REV3L: variants seen among roughly 807,000 people sequenced by gnomAD.
The protein encoded by REV3L is REV3 like, DNA directed polymerase zeta catalytic subunit, also known as DNA polymerase zeta catalytic subunit.
REV3L carries 69 observed loss-of-function variants against 299.4 expected under a neutral mutation model. The ratio of observed to expected loss-of-function variants is 0.23; its 90% CI spans 0.19 to 0.28. REV3L has a LOEUF of 0.28. Ranked by LOEUF, REV3L falls within the 10% of genes least tolerant of loss-of-function variation. The pLI, the probability that REV3L is intolerant of heterozygous loss-of-function variation, is 1.00. For missense variants in REV3L, 3,128 were observed against 3,693.8 expected, an observed-to-expected ratio of 0.85 and a Z score of 3.97; for synonymous variants, 1,238 against 1,271.4, an observed-to-expected ratio of 0.97 and a Z score of 0.56.
intron 24 of REV3L, 46 bp from the exon 25 acceptor site, chr6:111,329,784 A>T (rs1365640763): frequency 5.1e-6 from 7 of 1,385,774 alleles, no homozygotes; most frequent in Non-Finnish European, 1.0e-6. Context: ...AACATTATAG[A>T]TTTACATAAT....
Position 111,335,475 on chromosome 6 carries a change from A to T in REV3L, c.7674T>A (p.Gly2558=), listed in dbSNP as rs763949646. The T allele has an allele frequency of 6.2e-7, 1 of 1,610,038 alleles. No individual in the cohort carries two copies. The highest frequency in any genetic ancestry group is 1.1e-5 in the South Asian group (1 of 90,332). The change falls in exon 22 of 32, where the codon GGT becomes GGA. Residue 2558 remains glycine (G), a synonymous_variant. Transcript: ENST00000368802. ...GIQFLHVLTR[G]SQYRVESMML... ...AAGAAAACTGATTTCCCACCTGTGA[A>T]CCCCTTGTCAGTACATGTAAAAACT...
chr6:111,371,309 G>A lies in REV3L; in HGVS notation c.5759+1287C>T, dbSNP rs559933825. 7.2e-5 allele frequency among the ~76,000 whole-genome samples: 11 copies of A among 152,130 alleles called. 1 individual carries two copies. The South Asian group carries it at 2.3e-3, about 32-fold the overall frequency. On this transcript the variant is annotated intron_variant, in intron 13 of 31. Transcript: ENST00000368802. Reference sequence around the variant, plus strand: ...TATACACCATAACTACTTAACTACTGATAAATAAACCAGTACTCTGATTTC... The same window carrying A: ...TATACACCATAACTACTTAACTACTAATAAATAAACCAGTACTCTGATTTC...
At chr6:111,365,428 CT>C in intron 14 of REV3L, 84 bp from the exon 15 acceptor site, 1 of 650,400 alleles carries the variant, frequency 1.5e-6, no homozygotes, top group Non-Finnish European at 2.5e-6. Flanking sequence ...GTTCCAAACA[CT>C]TAAGTACCAC....
Position 111,350,926 on chromosome 6 carries a change from G to T in REV3L, c.7300+750C>A, listed in dbSNP as rs539580821. Reference sequence around the variant, plus strand: ...TTTTGCAAAGCTAAAAAACTTTACTGTCCTGGAATCTTCCAGCTTCAACTT... The same window carrying T: ...TTTTGCAAAGCTAAAAAACTTTACTTTCCTGGAATCTTCCAGCTTCAACTT... On this transcript the variant is annotated intron_variant, in intron 19 of 31. Transcript: ENST00000368802. Among the ~76,000 whole-genome samples the T allele has an allele frequency of 2.0e-5, 3 of 151,956 alleles. No homozygotes were observed. In the South Asian group the frequency reaches 6.2e-4, roughly 32 times the overall value.
At chr6:111,430,707 A>G in intron 1 of REV3L, 1 of 1,546,268 alleles carries the variant, frequency 6.5e-7, no homozygotes, top group South Asian at 1.1e-5. Context: ...AAAGAAAATA[A>G]AAAGAAAGAC....
intron 1 of REV3L, among the ~76,000 whole-genome samples, chr6:111,426,291 G>A (rs961098462): frequency 6.6e-6 from 1 of 152,026 alleles, no homozygotes; most frequent in Non-Finnish European, 1.5e-5. Flanking sequence ...TTTCAAATTG[G>A]GTGGCCTCTA....
At chr6:111,431,442 G>A (rs1786916815) in intron 1 of REV3L, 17 of 1,041,540 alleles carry the variant, frequency 1.6e-5, no homozygotes, top group Admixed American at 1.4e-4. Flanking sequence ...TGAGGAAGCT[G>A]AAATATTCCA....
intron 22 of REV3L, among the ~76,000 whole-genome samples, chr6:111,334,793 T>C (rs1477068590): frequency 2.0e-5 from 3 of 152,180 alleles, no homozygotes; most frequent in African/African-American, 7.2e-5. Flanking sequence ...AACTCTATTT[T>C]TGCTATATTT....
intron 3 of REV3L, among the ~76,000 whole-genome samples, chr6:111,410,910 T>A (rs1001060779): frequency 6.6e-6 from 1 of 152,154 alleles, no homozygotes; most frequent in Non-Finnish European, 1.5e-5. Context: ...AATCCTTGTT[T>A]TGAATCTGAA....
chr6:111,377,161 A>T (rs995829644), intron 12 of REV3L, among the ~76,000 whole-genome samples: 1 of 152,208 alleles, frequency 6.6e-6, no homozygotes, highest in African/African-American at 2.4e-5. Context: ...AGTGGTCAAC[A>T]AATGTTATAT....
intron 18 of REV3L, among the ~76,000 whole-genome samples, chr6:111,355,622 T>C (rs557445689): frequency 2.3e-4 from 35 of 152,290 alleles, no homozygotes; most frequent in Non-Finnish European, 3.5e-4. Flanking sequence ...TGCAAATGAC[T>C]AACAAAATTC....
intron 18 of REV3L, chr6:111,354,142 T>C (rs943329144): frequency 1.3e-5 from 2 of 152,212 alleles, no homozygotes; most frequent in African/African-American, 2.4e-5. Flanking sequence ...ACATATCACA[T>C]AGTTACACAG....
intron 27 of REV3L, among the ~76,000 whole-genome samples, chr6:111,314,001 T>C (rs1378714803): frequency 6.6e-6 from 1 of 152,220 alleles, no homozygotes; most frequent in Non-Finnish European, 1.5e-5. Context: ...GCTCTCACAG[T>C]GTTTAAGCGG....
chr6:111,370,633 T>C (rs1779707861), intron 13 of REV3L, among the ~76,000 whole-genome samples: 2 of 152,238 alleles, frequency 1.3e-5, no homozygotes, highest in South Asian at 4.1e-4. Context: ...TGGATTCCTA[T>C]AGGAATTATT....
At chr6:111,327,679 A>G (rs1053306254) in intron 25 of REV3L, among the ~76,000 whole-genome samples, 1 of 152,144 alleles carries the variant, frequency 6.6e-6, no homozygotes, top group East Asian at 1.9e-4. Context: ...CAGGACTGAC[A>G]AAGTATTTTT....
chr6:111,455,051 C>T (rs1160050593), intron 1 of REV3L, among the ~76,000 whole-genome samples: 3 of 152,082 alleles, frequency 2.0e-5, no homozygotes, highest in East Asian at 1.9e-4. Context: ...CCTCATGAAA[C>T]GCACACTCTA....
chr6:111,464,999 C>T (rs1384520920), intron 1 of REV3L, among the ~76,000 whole-genome samples: 1 of 151,070 alleles, frequency 6.6e-6, no homozygotes, highest in Admixed American at 6.6e-5. Flanking sequence ...AAGACTCCAT[C>T]TCAAAAAAAA....
Position 111,299,906 on chromosome 6 carries a change from AACAG to A in REV3L, c.*106_*109del, listed in dbSNP as rs139435988. 557 of 1,055,868 alleles carry A rather than the reference AACAG, an allele frequency of 5.3e-4. 2 individuals are homozygous for A. In the African/African-American group the frequency reaches 8.3e-3, roughly 16 times the overall value. 65.4% of individuals were successfully genotyped at this position (1,055,868 alleles called of 1,614,324 possible). A position where few individuals can be genotyped will look rare whatever the true frequency, so the allele number is the denominator to read the frequency against. Reference sequence around the variant, plus strand: ...ATAGAAGTCTTCATAGTCTTCAGATAACAGACAGTGAACATCCTTGACTCGATGA... The same window carrying A: ...ATAGAAGTCTTCATAGTCTTCAGATAACAGTGAACATCCTTGACTCGATGA... On this transcript the variant is annotated 3_prime_UTR_variant, in exon 32 of 32. Transcript: ENST00000368802.
intron 4 of REV3L, among the ~76,000 whole-genome samples, chr6:111,394,290 T>C (rs565955015): frequency 6.6e-6 from 1 of 152,312 alleles, no homozygotes; most frequent in African/African-American, 2.4e-5. Flanking sequence ...CCTTGCATCC[T>C]CACCAGCATT....
Sources: allele counts gnomAD v4.1 joint callset (sites outside exome capture counted in the v4.1 genomes callset), GRCh38; gene constraint gnomAD v4.1.1; transcripts MANE v1.5; gene names NCBI Gene and HGNC (gene_info 2026-07-23, HGNC 2026-07-21).